The following GRM7 variants were observed in gnomAD, a reference collection of about 807,000 sequenced individuals.
GRM7 encodes glutamate metabotropic receptor 7, also known as metabotropic glutamate receptor 7.
Under a neutral mutation model 84.5 loss-of-function variants are expected in GRM7, and 35 were observed. That is an observed-to-expected ratio of 0.41 (90% confidence interval 0.32 to 0.55). The LOEUF (loss-of-function observed/expected upper bound fraction) is 0.55, where lower values mean the gene tolerates loss of function less well. GRM7 is among the 20% of genes least tolerant of loss of function. The pLI is 0.19. For missense variants in GRM7, 1,003 were observed against 1,194.6 expected, an observed-to-expected ratio of 0.84 and a Z score of 2.36; for synonymous variants, 487 against 455.1, an observed-to-expected ratio of 1.07 and a Z score of -0.89.
chr3:7,021,210 A>G (rs763112354), intron 1 of GRM7, among the ~76,000 whole-genome samples: 4 of 152,214 alleles, frequency 2.6e-5, no homozygotes, highest in Non-Finnish European at 5.9e-5. Context: ...GGCAACATAT[A>G]TAAATGCAGT....
At chr3:6,877,297 A>C (rs991642024) in intron 1 of GRM7, among the ~76,000 whole-genome samples, 4 of 152,084 alleles carry the variant, frequency 2.6e-5, no homozygotes, top group African/African-American at 9.7e-5. Flanking sequence ...ACCAAGACAA[A>C]CTCACATTAA....
At chr3:7,292,698 T>A (rs1699673313) in intron 2 of GRM7, among the ~76,000 whole-genome samples, 1 of 151,474 alleles carries the variant, frequency 6.6e-6, no homozygotes, top group Non-Finnish European at 1.5e-5. Context: ...CTTCTTCTAC[T>A]GCTTACATAT....
chr3:7,564,772 A>G (rs1694183771), intron 7 of GRM7, among the ~76,000 whole-genome samples: 1 of 152,202 alleles, frequency 6.6e-6, no homozygotes, highest in African/African-American at 2.4e-5. Flanking sequence ...CTGAGATTCC[A>G]TATCCTCTAC....
At chr3:7,668,535 A>AGTT (rs920318018) in intron 8 of GRM7, among the ~76,000 whole-genome samples, 5 of 152,254 alleles carry the variant, frequency 3.3e-5, no homozygotes, top group Admixed American at 2.0e-4. Flanking sequence ...CTTGCCTAAC[A>AGTT]GAACAGTATT....
In GRM7 at chr3:7,373,941, G is replaced by A. The variant is rs541992486; in HGVS notation, c.1034-41082G>A. ...TAATTTTAATTAGATTTAAATAACC[G>A]TCTGTGACTAGTGGCTACCATGTTG... On this transcript the variant is annotated intron_variant, in intron 4 of 9. Coordinates refer to ENST00000357716, the MANE Select transcript of GRM7 (RefSeq NM_000844.4). 3.6e-4 allele frequency among the ~76,000 whole-genome samples: 55 copies of A among 152,198 alleles called. No individual in the cohort carries two copies. The South Asian group carries it at 5.8e-3, about 16-fold the overall frequency.
intron 4 of GRM7, among the ~76,000 whole-genome samples, chr3:7,343,335 G>A (rs572596785): frequency 9.6e-4 from 146 of 152,134 alleles, no homozygotes; most frequent in African/African-American, 3.3e-3. Context: ...CTAGGCTTAA[G>A]CAATCCTCCT....
At chr3:6,949,051 T>TTACATTTAAG (rs1453135262) in intron 1 of GRM7, among the ~76,000 whole-genome samples, 1 of 144,754 alleles carries the variant, frequency 6.9e-6, no homozygotes, top group Non-Finnish European at 1.5e-5. Flanking sequence ...TTTAGCCCAT[T>TTACATTTAAG]TACATTTAAG....
At chr3:7,099,270 T>C (rs2125017854) in intron 1 of GRM7, among the ~76,000 whole-genome samples, 1 of 135,134 alleles carries the variant, frequency 7.4e-6, no homozygotes, top group Middle Eastern at 3.9e-3. Context: ...TACATGTATA[T>C]ATGAATACAT....
chr3:7,083,171 G>C (rs1698326574), intron 1 of GRM7, among the ~76,000 whole-genome samples: 2 of 152,050 alleles, frequency 1.3e-5, no homozygotes, highest in South Asian at 4.1e-4. Context: ...AGACTTCACT[G>C]TTGCCTTAGT....
intron 5 of GRM7, among the ~76,000 whole-genome samples, chr3:7,430,765 G>A (rs1012585048): frequency 2.0e-5 from 3 of 152,188 alleles, no homozygotes; most frequent in Admixed American, 6.5e-5. Context: ...TTTTCGAGAT[G>A]TTTCTGTAGC....
At chr3:7,379,963 C>T (rs1694518683) in intron 4 of GRM7, among the ~76,000 whole-genome samples, 2 of 152,176 alleles carry the variant, frequency 1.3e-5, no homozygotes, top group Admixed American at 6.5e-5. Context: ...CTTCTTACTA[C>T]CTTTATTTTC....
chr3:6,981,278 C>T (rs1277048049), intron 1 of GRM7, among the ~76,000 whole-genome samples: 2 of 152,166 alleles, frequency 1.3e-5, no homozygotes, highest in African/African-American at 4.8e-5. Context: ...GTTATAGTTA[C>T]ACGCACTGTC....
chr3:7,330,538 G>A (rs568481322), intron 4 of GRM7, among the ~76,000 whole-genome samples: 1 of 152,232 alleles, frequency 6.6e-6, no homozygotes, highest in East Asian at 1.9e-4. Context: ...GGACCTGGTG[G>A]GAGATCATTG....
At chr3:7,063,065 C>G (rs1697488642) in intron 1 of GRM7, among the ~76,000 whole-genome samples, 1 of 151,606 alleles carries the variant, frequency 6.6e-6, no homozygotes, top group Non-Finnish European at 1.5e-5. Context: ...TCTTTCCTTC[C>G]CCAAGTAGCA....
At chr3:7,064,001 C>T (rs1047526445) in intron 1 of GRM7, among the ~76,000 whole-genome samples, 1 of 151,668 alleles carries the variant, frequency 6.6e-6, no homozygotes, top group African/African-American at 2.4e-5. Context: ...CTGATCCACA[C>T]AGTCATTTAG....
intron 1 of GRM7, among the ~76,000 whole-genome samples, chr3:7,039,407 A>G (rs1013621322): frequency 6.6e-6 from 1 of 152,182 alleles, no homozygotes; most frequent in African/African-American, 2.4e-5. Flanking sequence ...AATTCTATTT[A>G]TGTCTTTATT....
In GRM7 at chr3:7,587,776, A is replaced by C. The variant is rs150642486; in HGVS notation, c.2451+8419A>C. On this transcript the variant is annotated intron_variant, in intron 8 of 9. Coordinates refer to ENST00000357716, the MANE Select transcript of GRM7 (RefSeq NM_000844.4). ...ATTTAAATGGACTTTCCTAATGCTC[A>C]TATTTTTAGACCCAGGTTAGCACAC... Among the ~76,000 whole-genome samples the C allele has an allele frequency of 1.7e-3, 257 of 152,298 alleles. 1 individual carries two copies. Among genetic ancestry groups the C allele is most frequent in the African/African-American group, 5.6e-3 (231 of 41,562 alleles).
At chr3:7,502,345 T>G (rs1016244158) in intron 7 of GRM7, among the ~76,000 whole-genome samples, 3 of 152,196 alleles carry the variant, frequency 2.0e-5, no homozygotes, top group Non-Finnish European at 2.9e-5. Flanking sequence ...CACTTAGAAT[T>G]GAACACCTTC....
At chr3:7,218,831 G>A (rs1404307629) in intron 2 of GRM7, among the ~76,000 whole-genome samples, 3 of 151,262 alleles carry the variant, frequency 2.0e-5, no homozygotes, top group Non-Finnish European at 1.5e-5. Context: ...TATTTTCTTT[G>A]TAACATACAT....
Sources: allele counts gnomAD v4.1 joint callset (sites outside exome capture counted in the v4.1 genomes callset), GRCh38; gene constraint gnomAD v4.1.1; transcripts MANE v1.5; gene names NCBI Gene and HGNC (gene_info 2026-07-23, HGNC 2026-07-21).